Variants in ENTREP2 observed in about 807,000 individuals in gnomAD.
ENTREP2 encodes the protein protein ENTREP2.
the ENTREP2 span, among the ~76,000 whole-genome samples, chr15:29,264,549 C>G: frequency 6.6e-6 from 1 of 152,208 alleles, no homozygotes; most frequent in South Asian, 2.1e-4. Context: ...ATATTCTTCC[C>G]AAAGATGCAT....
chr15:29,591,661 A>T, the ENTREP2 span, among the ~76,000 whole-genome samples: 1 of 151,704 alleles, frequency 6.6e-6, no homozygotes, highest in Non-Finnish European at 1.5e-5. Context: ...TGAGAGGGAG[A>T]CCCCATCTCT....
the ENTREP2 span, among the ~76,000 whole-genome samples, chr15:29,556,770 C>A: frequency 1.4e-4 from 20 of 144,520 alleles, 1 homozygote; most frequent in Middle Eastern, 3.5e-3. Context: ...GTGCCCCCCC[C>A]CCGCCCCACA....
chr15:29,135,777 G>A, the ENTREP2 span, among the ~76,000 whole-genome samples: 1 of 152,204 alleles, frequency 6.6e-6, no homozygotes, highest in Admixed American at 6.5e-5. The surrounding 1 kb of genome is among the most constrained non-coding windows in gnomAD (Gnocchi z 7.4). Flanking sequence ...GAAAGGACCT[G>A]GCAACTGAGG....
At chr15:29,369,589 T>C in the ENTREP2 span, among the ~76,000 whole-genome samples, 1 of 119,256 alleles carries the variant, frequency 8.4e-6, no homozygotes, top group African/African-American at 5.2e-5. Flanking sequence ...TAGGCTGAAA[T>C]TAAACACACA....
the ENTREP2 span, among the ~76,000 whole-genome samples, chr15:29,368,154 G>A: frequency 6.6e-6 from 1 of 151,752 alleles, no homozygotes; most frequent in Admixed American, 6.6e-5. Flanking sequence ...GTGAAACTCC[G>A]TCTCTACCAA....
chr15:29,401,453 G>A, the ENTREP2 span, among the ~76,000 whole-genome samples: 1 of 152,168 alleles, frequency 6.6e-6, no homozygotes, highest in Non-Finnish European at 1.5e-5. Context: ...AATAAGATAA[G>A]TATTTTTTTC....
the ENTREP2 span, among the ~76,000 whole-genome samples, chr15:29,128,540 T>C: frequency 6.6e-6 from 1 of 152,038 alleles, no homozygotes; most frequent in Non-Finnish European, 1.5e-5. Flanking sequence ...AGACAAGGTC[T>C]CCCCGGAGAG....
chr15:29,406,341 G>A, the ENTREP2 span, among the ~76,000 whole-genome samples: 1 of 152,178 alleles, frequency 6.6e-6, no homozygotes, highest in African/African-American at 2.4e-5. Context: ...GAGGCCAGGA[G>A]TTCAAGACCA....
At chr15:29,630,668 C>A in the ENTREP2 span, among the ~76,000 whole-genome samples, 1 of 152,028 alleles carries the variant, frequency 6.6e-6, no homozygotes, top group Non-Finnish European at 1.5e-5. Flanking sequence ...TTTTTTCCCC[C>A]AGGCTATTTT....
At chr15:29,275,783 T>C in the ENTREP2 span, among the ~76,000 whole-genome samples, 1 of 152,236 alleles carries the variant, frequency 6.6e-6, no homozygotes, top group East Asian at 1.9e-4. Context: ...AGGCTTTAAT[T>C]TTTCTGACAG....
chr15:29,413,558 T>A, the ENTREP2 span, among the ~76,000 whole-genome samples: 1 of 152,204 alleles, frequency 6.6e-6, no homozygotes, highest in African/African-American at 2.4e-5. Flanking sequence ...GGTTGACATC[T>A]GCCCACCCAA....
chr15:29,386,460 G>A, the ENTREP2 span, among the ~76,000 whole-genome samples: 1 of 152,152 alleles, frequency 6.6e-6, no homozygotes, highest in Non-Finnish European at 1.5e-5. Context: ...GAACTCCTCC[G>A]GTTTCAACTC....
chr15:29,423,511 G>C, the ENTREP2 span, among the ~76,000 whole-genome samples: 1 of 151,942 alleles, frequency 6.6e-6, no homozygotes, highest in African/African-American at 2.4e-5. Flanking sequence ...TATTTGGGCC[G>C]GCGCGGTGGC....
the ENTREP2 span, among the ~76,000 whole-genome samples, chr15:29,149,594 C>A: frequency 6.6e-6 from 1 of 152,194 alleles, no homozygotes; most frequent in African/African-American, 2.4e-5. Context: ...CGGACTCATC[C>A]CATCAGCAGC....
chr15:29,302,051 T>C, the ENTREP2 span, among the ~76,000 whole-genome samples: 4 of 152,198 alleles, frequency 2.6e-5, no homozygotes, highest in African/African-American at 4.8e-5. Context: ...TTGTTAACTA[T>C]GCATATTGAA....
At chr15:29,355,968 A>AT in the ENTREP2 span, among the ~76,000 whole-genome samples, 2 of 151,972 alleles carry the variant, frequency 1.3e-5, no homozygotes, top group African/African-American at 4.8e-5. Context: ...TAATTTACTC[A>AT]TTTTTCCATA....
chr15:29,511,183 G>C, the ENTREP2 span, among the ~76,000 whole-genome samples: 3 of 152,048 alleles, frequency 2.0e-5, no homozygotes, highest in African/African-American at 4.8e-5. Context: ...AGAACTTAGA[G>C]TATAATTTTA....
the ENTREP2 span, among the ~76,000 whole-genome samples, chr15:29,341,280 C>T: frequency 6.6e-6 from 1 of 152,342 alleles, no homozygotes; most frequent in Admixed American, 6.5e-5. Flanking sequence ...CATTCATTTG[C>T]TTATACCTTT....
the ENTREP2 span, among the ~76,000 whole-genome samples, chr15:29,601,604 C>T: frequency 6.6e-6 from 1 of 152,130 alleles, no homozygotes; most frequent in Non-Finnish European, 1.5e-5. Flanking sequence ...TCAGCTATGT[C>T]TTCCATAACT....
Sources: gnomAD v4.1 joint callset for allele counts (sites outside exome capture counted in the v4.1 genomes callset) on GRCh38, gnomAD v4.1.1 for gene constraint, Gnocchi (gnomAD v3.1) non-coding constraint, MANE v1.5 for transcripts, NCBI Gene and HGNC (gene_info 2026-07-23, HGNC 2026-07-21) for gene names.